The following NDST4 variants were observed in gnomAD, a reference collection of about 807,000 sequenced individuals.
NDST4 encodes the protein N-deacetylase and N-sulfotransferase 4, also known as N-heparan sulfate sulfotransferase 4.
NDST4 carries 63 observed loss-of-function variants against 100.8 expected under a neutral mutation model. That is an observed-to-expected ratio of 0.62 (90% CI 0.51 to 0.77). The LOEUF (loss-of-function observed/expected upper bound fraction) is 0.77. Ranked by LOEUF, NDST4 falls within the 30% of genes least tolerant of loss-of-function variation. The pLI is 0.00. For synonymous variants in NDST4, 377 were observed against 361.8 expected (o/e 1.04, Z -0.48); for missense variants, 943 against 1,018.4 (o/e 0.93, Z 1.01).
At chr4:115,061,117 A>T (rs964505996) in intron 2 of NDST4, among the ~76,000 whole-genome samples, 1 of 152,078 alleles carries the variant, frequency 6.6e-6, no homozygotes, top group Admixed American at 6.6e-5. Flanking sequence ...AACCACAATG[A>T]GATATCCTCT....
At chr4:115,016,148 AT>A (rs1471024046) in intron 2 of NDST4, among the ~76,000 whole-genome samples, 1 of 152,034 alleles carries the variant, frequency 6.6e-6, no homozygotes, top group East Asian at 1.9e-4. Flanking sequence ...CAGTAATGGG[AT>A]TTTCGTGGAA....
chr4:114,958,793 A>G (rs1726197290), intron 4 of NDST4, among the ~76,000 whole-genome samples: 2 of 152,218 alleles, frequency 1.3e-5, no homozygotes. Flanking sequence ...TCTGTTCAGA[A>G]AATGGGTTTT....
At chr4:114,979,649 G>A (rs1384043971) in intron 2 of NDST4, among the ~76,000 whole-genome samples, 2 of 151,830 alleles carry the variant, frequency 1.3e-5, no homozygotes, top group African/African-American at 4.8e-5. Flanking sequence ...TAACACAGAT[G>A]TTTTATAGCC....
At chr4:115,104,566 G>A (rs1220809211) in intron 1 of NDST4, among the ~76,000 whole-genome samples, 1 of 152,020 alleles carries the variant, frequency 6.6e-6, no homozygotes, top group Admixed American at 6.6e-5. Context: ...AGAAAATAGA[G>A]GAAAACTATT....
intron 2 of NDST4, among the ~76,000 whole-genome samples, chr4:115,054,824 C>T (rs1351134468): frequency 6.6e-6 from 1 of 152,092 alleles, no homozygotes; most frequent in Non-Finnish European, 1.5e-5. Flanking sequence ...GTTCCTACTC[C>T]TTAGCAGATA....
chr4:114,857,523 T>C (rs1411450793), intron 7 of NDST4, among the ~76,000 whole-genome samples: 1 of 152,122 alleles, frequency 6.6e-6, no homozygotes, highest in African/African-American at 2.4e-5. Flanking sequence ...TTGTGAAGGG[T>C]TTCTATAACC....
At chr4:114,962,000 G>A (rs1282875538) in intron 4 of NDST4, among the ~76,000 whole-genome samples, 1 of 151,884 alleles carries the variant, frequency 6.6e-6, no homozygotes, top group Non-Finnish European at 1.5e-5. Flanking sequence ...TAACAAAGTG[G>A]GATTTATCAT....
At chr4:115,097,800 C>T (rs1729650782) in intron 1 of NDST4, among the ~76,000 whole-genome samples, 1 of 152,136 alleles carries the variant, frequency 6.6e-6, no homozygotes, top group South Asian at 2.1e-4. Flanking sequence ...CACAGTTCTA[C>T]CAAGTATTCT....
intron 2 of NDST4, among the ~76,000 whole-genome samples, chr4:114,991,996 T>A (rs1312148204): frequency 6.6e-6 from 1 of 151,990 alleles, no homozygotes; most frequent in African/African-American, 2.4e-5. Flanking sequence ...TCAGTATATC[T>A]TTTTCTTCAA....
intron 6 of NDST4, among the ~76,000 whole-genome samples, chr4:114,874,099 T>C (rs1724207405): frequency 6.6e-6 from 1 of 151,988 alleles, no homozygotes; most frequent in African/African-American, 2.4e-5. Flanking sequence ...CAGATATTAT[T>C]GAAAAAAAAG....
In NDST4 at chr4:114,929,538, A is replaced by G. The variant is rs537422089; in HGVS notation, c.1536+5668T>C. 2.0e-5 allele frequency among the ~76,000 whole-genome samples: 3 copies of G among 152,224 alleles called. No individual in the cohort carries two copies. In the South Asian group the frequency reaches 6.2e-4, roughly 32 times the overall value. ...GTATCATATTTTGAGCTCACCATCA[A>G]TTTACAATGACAAAGCAAGTATAGT... On this transcript the variant is annotated intron_variant, in intron 6 of 13. Transcript: ENST00000264363.
chr4:115,018,597 A>C (rs540237431), intron 2 of NDST4, among the ~76,000 whole-genome samples: 17 of 152,054 alleles, frequency 1.1e-4, no homozygotes, highest in South Asian at 1.0e-3. Context: ...CAGGGATTGC[A>C]GGATAGACTG....
At chr4:114,871,672 T>C (rs1724151506) in intron 6 of NDST4, among the ~76,000 whole-genome samples, 1 of 151,992 alleles carries the variant, frequency 6.6e-6, no homozygotes, top group South Asian at 2.1e-4. Context: ...AAATACTAAA[T>C]AAAAGAGAAA....
intron 7 of NDST4, among the ~76,000 whole-genome samples, chr4:114,866,738 G>C (rs952798407): frequency 3.3e-5 from 5 of 152,104 alleles, no homozygotes; most frequent in Non-Finnish European, 7.4e-5. Context: ...AAGTTGTAGG[G>C]TGGTAAAAAG....
At chr4:114,966,070 C>T (rs985001481) in intron 4 of NDST4, among the ~76,000 whole-genome samples, 4 of 151,974 alleles carry the variant, frequency 2.6e-5, no homozygotes, top group African/African-American at 9.7e-5. Context: ...TACTGCCATA[C>T]TAAGAAGGGT....
chr4:114,960,807 C>G (rs1726246048), intron 4 of NDST4, among the ~76,000 whole-genome samples: 1 of 151,918 alleles, frequency 6.6e-6, no homozygotes, highest in African/African-American at 2.4e-5. Flanking sequence ...TTTAAATTTA[C>G]AAGAACAAAT....
intron 6 of NDST4, among the ~76,000 whole-genome samples, chr4:114,882,138 A>AT (rs35233146): frequency 0.061 from 8,784 of 143,944 alleles, 342 homozygotes; most frequent in African/African-American, 0.11. Context: ...ATTTAGAAGG[A>AT]TTTTTTTTTT....
At chr4:115,003,389 T>C (rs2620418) in intron 2 of NDST4, among the ~76,000 whole-genome samples, 52,165 of 151,956 alleles carry the variant, frequency 0.34, 9,082 homozygotes, top group Middle Eastern at 0.49. Context: ...TGCATGGAAA[T>C]CAAAGCTGAT....
At chr4:114,855,762 T>C (rs1333389454) in intron 7 of NDST4, among the ~76,000 whole-genome samples, 1 of 152,250 alleles carries the variant, frequency 6.6e-6, no homozygotes, top group Non-Finnish European at 1.5e-5. Flanking sequence ...TCTGGGTCCA[T>C]TGTGGTTCCA....
Sources: allele counts gnomAD v4.1 joint callset (sites outside exome capture counted in the v4.1 genomes callset), GRCh38; gene constraint gnomAD v4.1.1; transcripts MANE v1.5; gene names NCBI Gene and HGNC (gene_info 2026-07-23, HGNC 2026-07-21).